GNG7: variants seen among roughly 807,000 people sequenced by gnomAD.
GNG7 encodes the protein guanine nucleotide-binding protein G(I)/G(S)/G(O) subunit gamma-7.
GNG7 carries 1 observed loss-of-function variant against 4.0 expected under a neutral mutation model. That is an observed-to-expected ratio of 0.25 (90% CI 0.09 to 1.18). The LOEUF (loss-of-function observed/expected upper bound fraction) is 1.18. Among genes scored for constraint, GNG7 ranks in the 50% most tolerant of loss-of-function variants. The probability of loss-of-function intolerance (pLI) is 0.50; values close to 1 mark genes in which losing one functional copy is unlikely to be tolerated. For missense variants in GNG7, 86 were observed against 91.9 expected (o/e 0.94, Z 0.26); for synonymous variants, 34 against 36.9 (o/e 0.92, Z 0.29).
intron 2 of GNG7, among the ~76,000 whole-genome samples, chr19:2,635,273 G>C (rs535520408): frequency 1.4e-4 from 21 of 152,312 alleles, no homozygotes; most frequent in African/African-American, 4.8e-4. Flanking sequence ...TGCACCCTCT[G>C]CATCTCCAAC....
chr19:2,682,098 T>A (rs558829552), intron 1 of GNG7, among the ~76,000 whole-genome samples: 1 of 148,114 alleles, frequency 6.8e-6, no homozygotes, highest in Admixed American at 6.7e-5. Context: ...TAGCAGAGAC[T>A]GGGTTTCACT....
intron 1 of GNG7, among the ~76,000 whole-genome samples, chr19:2,683,238 C>CAA (rs113884625): frequency 2.4e-4 from 35 of 144,708 alleles, no homozygotes; most frequent in Non-Finnish European, 3.8e-4. Flanking sequence ...GACTCCGTCT[C>CAA]AAAAAAAAAA....
chr19:2,518,279 G>A (rs1323302446), intron 4 of GNG7, among the ~76,000 whole-genome samples: 1 of 152,100 alleles, frequency 6.6e-6, no homozygotes, highest in Non-Finnish European at 1.5e-5. Context: ...GGCGGTGGGG[G>A]CCCCTCCTCA....
At chr19:2,537,922 CA>C (rs770559897) in intron 3 of GNG7, among the ~76,000 whole-genome samples, 1 of 152,002 alleles carries the variant, frequency 6.6e-6, no homozygotes, top group African/African-American at 2.4e-5. Flanking sequence ...CCAAAAAATA[CA>C]AACATCAGCC....
Position 2,637,236 on chromosome 19 carries a change from G to T in GNG7, c.-78+8988C>A, listed in dbSNP as rs972251395. ...CTCCCCCCGCCCCCGAGCCCGGCCCGTCTTTGCTGTTGTCGTTGTTGTTTT... is the reference window on the plus strand; with the variant it reads ...CTCCCCCCGCCCCCGAGCCCGGCCCTTCTTTGCTGTTGTCGTTGTTGTTTT... On this transcript the variant is annotated intron_variant, in intron 2 of 4. Coordinates refer to ENST00000382159, the MANE Select transcript of GNG7 (RefSeq NM_052847.3). Among the ~76,000 whole-genome samples, 8 of 150,820 alleles carry T rather than the reference G, an allele frequency of 5.3e-5. No homozygotes were observed. The South Asian group carries it at 6.3e-4, about 12-fold the overall frequency.
intron 1 of GNG7, among the ~76,000 whole-genome samples, chr19:2,654,052 C>T (rs1467061829): frequency 1.3e-5 from 2 of 151,876 alleles, no homozygotes; most frequent in Admixed American, 6.6e-5. Flanking sequence ...GTGGCGGGGG[C>T]GGGGCCGTGT....
intron 1 of GNG7, among the ~76,000 whole-genome samples, chr19:2,678,367 A>T (rs868160463): frequency 1.9e-4 from 29 of 152,320 alleles, no homozygotes; most frequent in Middle Eastern, 3.4e-3. Flanking sequence ...GAAATATAGT[A>T]GGTATTGTGG....
intron 2 of GNG7, among the ~76,000 whole-genome samples, chr19:2,575,269 TAG>T (rs1427129624): frequency 2.0e-5 from 3 of 152,114 alleles, no homozygotes; most frequent in African/African-American, 7.2e-5. Context: ...AATTTTTTTG[TAG>T]AGACAGGGAC....
intron 2 of GNG7, among the ~76,000 whole-genome samples, chr19:2,586,769 G>A (rs1384494470): frequency 6.6e-6 from 1 of 151,950 alleles, no homozygotes; most frequent in Non-Finnish European, 1.5e-5. Context: ...CGGATTATTT[G>A]AGGTCAGGAG....
At chr19:2,533,349 T>C (rs188057128) in intron 3 of GNG7, among the ~76,000 whole-genome samples, 2 of 151,958 alleles carry the variant, frequency 1.3e-5, no homozygotes, top group East Asian at 3.9e-4. Flanking sequence ...TTATATAAAG[T>C]TCAAGAATAG....
At chr19:2,606,740 G>A (rs545812736) in intron 2 of GNG7, among the ~76,000 whole-genome samples, 3 of 151,390 alleles carry the variant, frequency 2.0e-5, no homozygotes, top group Non-Finnish European at 4.4e-5. Flanking sequence ...GTCAGGATGA[G>A]AGAAGGCAGC....
rs543925249 is a variant in GNG7, at chr19:2,600,779, A to G, written c.-78+45445T>C. ...GTGTGAGCCACAGTGCCTGGCTTCT[A>G]TCTTAGCAGTTTTGACCTAGTGGTC... On this transcript the variant is annotated intron_variant, in intron 2 of 4. Transcript: ENST00000382159. 5.3e-5 allele frequency among the ~76,000 whole-genome samples: 8 copies of G among 151,970 alleles called. No individual in the cohort carries two copies. In the East Asian group the frequency reaches 9.7e-4, roughly 18 times the overall value.
At chr19:2,601,973 G>A (rs1004644885) in intron 2 of GNG7, among the ~76,000 whole-genome samples, 34 of 152,042 alleles carry the variant, frequency 2.2e-4, no homozygotes, top group Non-Finnish European at 1.2e-4. Context: ...TGGAATCCCA[G>A]ATGATCCTTC....
chr19:2,608,854 T>C (rs1382380309), intron 2 of GNG7, among the ~76,000 whole-genome samples: 1 of 152,234 alleles, frequency 6.6e-6, no homozygotes, highest in African/African-American at 2.4e-5. Context: ...CCAAAATCAG[T>C]GTGCCTTCTC....
intron 2 of GNG7, chr19:2,642,883 T>G (rs1381236963): frequency 2.2e-6 from 1 of 456,322 alleles, no homozygotes; most frequent in South Asian, 1.6e-5. Context: ...CTCCGGGCTC[T>G]GCACACCTTC....
Position 2,661,270 on chromosome 19 carries a change from A to AAAAGAAAGAAAGAAAG in GNG7, c.-134-15006_-134-14991dup, listed in dbSNP as rs796432059. ...AAAAGAAAGAAAGAAAGAAAGAAAG[A>AAAAGAAAGAAAGAAAG]AAAGAAAGAAAGAAAGAAAGAAAGA... On this transcript the variant is annotated intron_variant, in intron 1 of 4. Coordinates refer to ENST00000382159, the MANE Select transcript of GNG7 (RefSeq NM_052847.3). 7.1e-5 allele frequency among the ~76,000 whole-genome samples: 5 copies of AAAAGAAAGAAAGAAAG among 70,916 alleles called. No homozygotes were observed. The Admixed American group carries it at 8.0e-4, about 11-fold the overall frequency. 46.5% of individuals were successfully genotyped at this position (70,916 alleles called of 152,430 possible). A position where few individuals can be genotyped will look rare whatever the true frequency, so the allele number is the denominator to read the frequency against.
intron 4 of GNG7, 98 bp from the exon 5 acceptor site, chr19:2,515,245 C>G: frequency 1.3e-6 from 2 of 1,504,052 alleles, no homozygotes; most frequent in Non-Finnish European, 1.8e-6. Context: ...CAGGCGGAAA[C>G]AGCTCAGGAG....
In GNG7 at chr19:2,546,314, C is replaced by T. The variant is rs760103733; in HGVS notation, c.-38+8835G>A. Among the ~76,000 whole-genome samples, 9 of 152,266 alleles carry T rather than the reference C, an allele frequency of 5.9e-5. No homozygotes were observed. The highest frequency in any genetic ancestry group is 1.2e-4 in the Non-Finnish European group (8 of 68,050). ...TGGGCACCCACCCTGCACCTGCAGC[C>T]TCTCCAGGGCCAGGTCGCCCAGCAG... On this transcript the variant is annotated intron_variant, in intron 3 of 4. Coordinates refer to ENST00000382159, the MANE Select transcript of GNG7 (RefSeq NM_052847.3). The surrounding 1 kb of genome is among the most constrained non-coding windows in gnomAD (Gnocchi z 6.3).
chr19:2,556,243 T>A (rs1979539483), intron 2 of GNG7, among the ~76,000 whole-genome samples: 1 of 152,236 alleles, frequency 6.6e-6, no homozygotes, highest in Non-Finnish European at 1.5e-5. Flanking sequence ...AGCCAGGAGC[T>A]GCACCACTGT....
Sources: gnomAD v4.1 joint callset for allele counts (sites outside exome capture counted in the v4.1 genomes callset) on GRCh38, gnomAD v4.1.1 for gene constraint, Gnocchi (gnomAD v3.1) non-coding constraint, MANE v1.5 for transcripts, NCBI Gene and HGNC (gene_info 2026-07-23, HGNC 2026-07-21) for gene names.